The following C7orf78 variants were observed in gnomAD, a reference collection of about 807,000 sequenced individuals.
C7orf78 encodes chromosome 7 open reading frame 78, also known as putative uncharacterized protein C7orf78.
the C7orf78 span, among the ~76,000 whole-genome samples, chr7:12,515,720 A>G: frequency 6.6e-6 from 1 of 152,088 alleles, no homozygotes; most frequent in Admixed American, 6.5e-5. Flanking sequence ...GAGATGAGGA[A>G]CTTGTTGGGA....
chr7:12,511,922 T>C, the C7orf78 span, among the ~76,000 whole-genome samples: 1 of 95,358 alleles, frequency 1.0e-5, no homozygotes, highest in Non-Finnish European at 2.4e-5. Context: ...TGGCTAATTT[T>C]TTTTTTTTTT....
the C7orf78 span, among the ~76,000 whole-genome samples, chr7:12,499,925 C>G: frequency 7.9e-6 from 1 of 127,110 alleles, no homozygotes; most frequent in East Asian, 2.4e-4. Flanking sequence ...TATTAAGAAT[C>G]TCACTCAAAA....
At chr7:12,521,881 G>C in the C7orf78 span, among the ~76,000 whole-genome samples, 183 of 151,432 alleles carry the variant, frequency 1.2e-3, no homozygotes, top group Non-Finnish European at 2.2e-3. Flanking sequence ...ATTTTTCACT[G>C]TCTCCTCACA....
At chr7:12,536,952 A>T in the C7orf78 span, among the ~76,000 whole-genome samples, 1 of 152,158 alleles carries the variant, frequency 6.6e-6, no homozygotes, top group Non-Finnish European at 1.5e-5. Flanking sequence ...GGTCAAAGCC[A>T]TTCAACAAGT....
chr7:12,493,380 G>C, the C7orf78 span, among the ~76,000 whole-genome samples: 2 of 152,198 alleles, frequency 1.3e-5, no homozygotes, highest in Non-Finnish European at 2.9e-5. Context: ...TTTAGAATCT[G>C]TATTAGCAAT....
chr7:12,484,326 A>G, the C7orf78 span, among the ~76,000 whole-genome samples: 1 of 152,210 alleles, frequency 6.6e-6, no homozygotes, highest in African/African-American at 2.4e-5. Context: ...ACATATCTAA[A>G]AAGTATTCAT....
At chr7:12,513,324 A>G in the C7orf78 span, among the ~76,000 whole-genome samples, 1 of 148,564 alleles carries the variant, frequency 6.7e-6, no homozygotes, top group African/African-American at 2.5e-5. Flanking sequence ...TGTTTATTTA[A>G]AATCTTTGTT....
At chr7:12,521,563 C>A in the C7orf78 span, among the ~76,000 whole-genome samples, 12 of 151,624 alleles carry the variant, frequency 7.9e-5, no homozygotes, top group African/African-American at 2.2e-4. Flanking sequence ...ATAAGAACAA[C>A]CTCCCTTTCT....
the C7orf78 span, among the ~76,000 whole-genome samples, chr7:12,489,167 C>T: frequency 4.6e-5 from 7 of 151,864 alleles, no homozygotes; most frequent in African/African-American, 1.7e-4. Flanking sequence ...AAGCAAGGGA[C>T]ATCTGTCATG....
the C7orf78 span, among the ~76,000 whole-genome samples, chr7:12,502,523 C>G: frequency 6.7e-6 from 1 of 149,974 alleles, no homozygotes; most frequent in Non-Finnish European, 1.5e-5. Flanking sequence ...CAAATCAAAA[C>G]CACAATGAGA....
the C7orf78 span, among the ~76,000 whole-genome samples, chr7:12,506,536 C>A: frequency 6.6e-6 from 1 of 152,054 alleles, no homozygotes; most frequent in Non-Finnish European, 1.5e-5. Context: ...CAAACTATCA[C>A]AAGGACAGAA....
At chr7:12,483,994 T>G in the C7orf78 span, 1 of 151,994 alleles carries the variant, frequency 6.6e-6, no homozygotes. Context: ...GAGTCTGGAG[T>G]GTCTCCTGAA....
the C7orf78 span, among the ~76,000 whole-genome samples, chr7:12,496,144 C>A: frequency 6.6e-6 from 1 of 152,156 alleles, no homozygotes; most frequent in Non-Finnish European, 1.5e-5. Context: ...CCAGGATGGT[C>A]TCGATCTCCT....
chr7:12,535,737 G>C, the C7orf78 span, among the ~76,000 whole-genome samples: 449 of 152,280 alleles, frequency 2.9e-3, no homozygotes, highest in Non-Finnish European at 5.2e-3. Flanking sequence ...ATACAATGGC[G>C]GTACAGGCAC....
the C7orf78 span, among the ~76,000 whole-genome samples, chr7:12,494,110 C>T: frequency 0.23 from 34,317 of 152,022 alleles, 4,842 homozygotes; most frequent in East Asian, 0.51. Context: ...TTATAAACCA[C>T]TGGAGGATGA....
At chr7:12,533,013 A>G in the C7orf78 span, among the ~76,000 whole-genome samples, 1 of 152,200 alleles carries the variant, frequency 6.6e-6, no homozygotes, top group South Asian at 2.1e-4. Flanking sequence ...TATCCTTACC[A>G]AGTTTACAAA....
At chr7:12,519,098 C>T in the C7orf78 span, among the ~76,000 whole-genome samples, 1 of 152,076 alleles carries the variant, frequency 6.6e-6, no homozygotes, top group Non-Finnish European at 1.5e-5. Context: ...AGATGAGGAT[C>T]CCACCCTCTA....
the C7orf78 span, among the ~76,000 whole-genome samples, chr7:12,536,720 C>T: frequency 6.6e-6 from 1 of 152,174 alleles, no homozygotes; most frequent in Admixed American, 6.5e-5. Context: ...CAAGTCACGT[C>T]TTAAATGCTT....
chr7:12,532,931 C>A, the C7orf78 span, among the ~76,000 whole-genome samples: 1 of 152,096 alleles, frequency 6.6e-6, no homozygotes, highest in Non-Finnish European at 1.5e-5. Flanking sequence ...AGAAAGCTGT[C>A]TCCAGATGGG....
Sources: allele counts gnomAD v4.1 joint callset (sites outside exome capture counted in the v4.1 genomes callset), GRCh38; gene constraint gnomAD v4.1.1; transcripts MANE v1.5; gene names NCBI Gene and HGNC (gene_info 2026-07-23, HGNC 2026-07-21).